The following SCARA3 variants were observed in gnomAD, a reference collection of about 807,000 sequenced individuals.
The protein encoded by SCARA3 is cellular stress response gene protein.
A neutral mutation model predicts 47.0 loss-of-function variants in SCARA3; 39 were observed. The ratio of observed to expected loss-of-function variants is 0.83; its 90% CI spans 0.64 to 1.08. SCARA3 has a LOEUF of 1.08. Ranked by LOEUF, SCARA3 falls within the 50% of genes least tolerant of loss-of-function variation. SCARA3 has a pLI of 0.00. For synonymous variants in SCARA3, 356 were observed against 334.1 expected (o/e 1.07, Z -0.71); for missense variants, 724 against 792.3 (o/e 0.91, Z 1.04).
the SCARA3 span, among the ~76,000 whole-genome samples, chr8:27,721,612 T>C: frequency 6.6e-6 from 1 of 152,166 alleles, no homozygotes; most frequent in Non-Finnish European, 1.5e-5. Context: ...TCAAGTTAGA[T>C]GGTGTCGGTG....
the SCARA3 span, among the ~76,000 whole-genome samples, chr8:27,710,976 G>A: frequency 1.4e-5 from 2 of 143,740 alleles, no homozygotes; most frequent in African/African-American, 5.2e-5. Flanking sequence ...AGGCTGGAGT[G>A]CAGTGGCACA....
At chr8:27,707,832 A>AAT in the SCARA3 span, among the ~76,000 whole-genome samples, 10 of 151,730 alleles carry the variant, frequency 6.6e-5, no homozygotes, top group Admixed American at 3.9e-4. Context: ...AAAAAAAAAA[A>AAT]AATAAGAAGA....
the SCARA3 span, among the ~76,000 whole-genome samples, chr8:27,732,250 G>A: frequency 3.3e-5 from 5 of 151,882 alleles, no homozygotes; most frequent in South Asian, 2.1e-4. Context: ...TTTTTTCAGC[G>A]TTAAATATTG....
intron 1 of SCARA3, among the ~76,000 whole-genome samples, chr8:27,637,095 G>A (rs894019): frequency 0.33 from 49,799 of 152,212 alleles, 8,420 homozygotes; most frequent in Middle Eastern, 0.46. Context: ...AACCGGTGAT[G>A]GTGGGGAAGG....
chr8:27,668,595 C>T (rs904746496), intron 5 of SCARA3, among the ~76,000 whole-genome samples: 4 of 151,154 alleles, frequency 2.6e-5, no homozygotes, highest in Admixed American at 2.6e-4. Flanking sequence ...TGGGATGGCT[C>T]ATGCCTGCAA....
chr8:27,700,774 A>G, the SCARA3 span, among the ~76,000 whole-genome samples: 1 of 152,210 alleles, frequency 6.6e-6, no homozygotes, highest in Non-Finnish European at 1.5e-5. Context: ...AATTTCAAAA[A>G]CCAACAATAC....
At position 27,671,708 on chromosome 8, in the gene SCARA3, A is replaced by G. The variant is rs548610540; in HGVS notation, c.*357A>G. Reference sequence around the variant, plus strand: ...TGCACACATACACAGGCACACATGCATGCACACATACACATGCACACACAC... The same window carrying G: ...TGCACACATACACAGGCACACATGCGTGCACACATACACATGCACACACAC... On this transcript the variant is annotated 3_prime_UTR_variant, in exon 6 of 6. Transcript: ENST00000301904. 4.7e-4 allele frequency: 497 copies of G among 1,066,204 alleles called. 1 individual carries two copies. Among genetic ancestry groups the G allele is most frequent in the Middle Eastern group, 2.1e-3 (5 of 2,398 alleles). The allele number at this position is 1,066,204 out of a possible 1,614,324, so 66.0% of individuals were successfully genotyped here. A position where few individuals can be genotyped will look rare whatever the true frequency, so the allele number is the denominator to read the frequency against.
At chr8:27,678,852 G>T (rs77415289), downstream of SCARA3, among the ~76,000 whole-genome samples, 7 of 152,254 alleles carry the variant, frequency 4.6e-5, no homozygotes, top group African/African-American at 1.4e-4. Flanking sequence ...AATATAAGTG[G>T]GGTTTATCTC....
the SCARA3 span, among the ~76,000 whole-genome samples, chr8:27,700,699 C>T: frequency 2.6e-5 from 4 of 152,066 alleles, no homozygotes; most frequent in African/African-American, 9.7e-5. Context: ...AAAAAGTGTT[C>T]CAGCTTCATT....
At position 27,671,011 on chromosome 8, in the gene SCARA3, C is replaced by T. The variant is rs757542717; in HGVS notation, c.1481C>T (p.Pro494Leu). 29 of 1,611,256 alleles carry T rather than the reference C, an allele frequency of 1.8e-5. No individual in the cohort carries two copies. The highest frequency in any genetic ancestry group is 2.5e-5 in the Non-Finnish European group (29 of 1,179,346). Residue 494 changes from proline to leucine, a missense_variant, in exon 6 of 6, where the codon CCC (proline) becomes CTC (leucine). Pro to Leu is a moderately conservative substitution (Grantham distance 98). Transcript: ENST00000301904. ...CCCGGCAGCTTGGGCCCCCTGGGAC[C>T]CCAGGGTCCTCAGGGGCAACCTGGA... ...GDPGSLGPLG[P>L]QGPQGQPGEA...
the SCARA3 span, among the ~76,000 whole-genome samples, chr8:27,691,697 G>A: frequency 1.0e-3 from 158 of 151,986 alleles, no homozygotes; most frequent in African/African-American, 3.5e-3. Context: ...TTTTCTCCTA[G>A]ACCTTGGGCC....
the SCARA3 span, chr8:27,697,637 A>G: frequency 6.6e-6 from 1 of 152,174 alleles, no homozygotes; most frequent in Admixed American, 6.5e-5. Context: ...CTTGAAATAT[A>G]GATCCCGTAA....
the SCARA3 span, among the ~76,000 whole-genome samples, chr8:27,692,279 G>C: frequency 6.6e-6 from 1 of 152,114 alleles, no homozygotes; most frequent in Admixed American, 6.5e-5. Flanking sequence ...AATTAGCCGG[G>C]TGTGGTGGCA....
downstream of SCARA3, chr8:27,676,501 G>A (rs758495782): frequency 6.7e-5 from 107 of 1,586,460 alleles, no homozygotes; most frequent in Non-Finnish European, 8.8e-5. Context: ...GGTGTCCAAC[G>A]AAATCCCCTG....
chr8:27,715,940 A>G, the SCARA3 span, among the ~76,000 whole-genome samples: 3 of 152,222 alleles, frequency 2.0e-5, no homozygotes, highest in African/African-American at 7.2e-5. The surrounding 1 kb of genome is among the most constrained non-coding windows in gnomAD (Gnocchi z 4.2). Context: ...GTGTATCTCT[A>G]CTGAGAGGGC....
chr8:27,706,203 G>A, the SCARA3 span, among the ~76,000 whole-genome samples: 1 of 152,180 alleles, frequency 6.6e-6, no homozygotes, highest in East Asian at 1.9e-4. Flanking sequence ...CAAAGCTGGA[G>A]TGCGGTGGCA....
chr8:27,717,612 C>G, the SCARA3 span, among the ~76,000 whole-genome samples: 2 of 152,128 alleles, frequency 1.3e-5, no homozygotes, highest in Admixed American at 6.5e-5. Context: ...TGGCTTAACT[C>G]TGTCTCTACT....
the SCARA3 span, among the ~76,000 whole-genome samples, chr8:27,711,211 C>A: frequency 6.6e-6 from 1 of 152,148 alleles, no homozygotes; most frequent in African/African-American, 2.4e-5. Flanking sequence ...CGTGAGCCAC[C>A]ACACCAGGCC....
chr8:27,731,934 A>G, the SCARA3 span, among the ~76,000 whole-genome samples: 3 of 152,152 alleles, frequency 2.0e-5, no homozygotes, highest in African/African-American at 7.2e-5. Context: ...TGTGGTTTTC[A>G]TCTGCTGACC....
Sources: allele counts gnomAD v4.1 joint callset (sites outside exome capture counted in the v4.1 genomes callset), GRCh38; gene constraint gnomAD v4.1.1; non-coding constraint Gnocchi (gnomAD v3.1); transcripts MANE v1.5; gene names NCBI Gene and HGNC (gene_info 2026-07-23, HGNC 2026-07-21).